OLFM3: variants seen among roughly 807,000 people sequenced by gnomAD.
The protein encoded by OLFM3 is olfactomedin 3, also known as noelin-3.
Under a neutral mutation model 48.6 loss-of-function variants are expected in OLFM3, and 20 were observed. That is an observed-to-expected ratio of 0.41 (90% CI 0.29 to 0.60). The LOEUF is 0.60. OLFM3 is among the 20% of genes least tolerant of loss of function. The pLI is 0.28. For missense variants in OLFM3, 437 were observed against 544.3 expected, an observed-to-expected ratio of 0.80 and a Z score of 1.96; for synonymous variants, 222 against 198.1, an observed-to-expected ratio of 1.12 and a Z score of -1.01.
chr1:101,818,563 C>A (rs576364730), intron 4 of OLFM3, among the ~76,000 whole-genome samples: 1 of 152,092 alleles, frequency 6.6e-6, no homozygotes, highest in African/African-American at 2.4e-5. Flanking sequence ...TGAGTCAAAT[C>A]TCCCACATCT....
At position 101,967,060 on chromosome 1, in the gene OLFM3, T is replaced by G. The variant is rs940463198; in HGVS notation, c.69+29688A>C. Among the ~76,000 whole-genome samples, 20 of 152,296 alleles carry G rather than the reference T, an allele frequency of 1.3e-4. 1 individual carries two copies. The South Asian group carries it at 3.1e-3, about 24-fold the overall frequency. On this transcript the variant is annotated intron_variant, in intron 1 of 5. Transcript: ENST00000370103. The stretch of plus-strand genomic sequence containing the variant: ...CTCATTAACCTCCACCAGTTGCTAT[T>G]TATATTAAACTTCCTCCAGGCTGTA...
chr1:101,861,269 C>A (rs773245370), intron 1 of OLFM3, among the ~76,000 whole-genome samples: 8 of 151,068 alleles, frequency 5.3e-5, no homozygotes, highest in African/African-American at 7.4e-5. Context: ...ACTATGTTAG[C>A]CAGGCTGGTA....
chr1:101,834,111 A>C (rs1313277032), intron 2 of OLFM3, among the ~76,000 whole-genome samples: 1 of 152,230 alleles, frequency 6.6e-6, no homozygotes, highest in Non-Finnish European at 1.5e-5. Flanking sequence ...AATAATATAA[A>C]TACCTGTTAA....
chr1:101,905,076 G>T (rs1343199288), intron 1 of OLFM3, among the ~76,000 whole-genome samples: 1 of 152,108 alleles, frequency 6.6e-6, no homozygotes, highest in Non-Finnish European at 1.5e-5. Flanking sequence ...CAAAGGATTT[G>T]ATAGATGTGT....
At chr1:101,960,774 T>C (rs1194698802) in intron 1 of OLFM3, among the ~76,000 whole-genome samples, 1 of 152,134 alleles carries the variant, frequency 6.6e-6, no homozygotes, top group Admixed American at 6.6e-5. Flanking sequence ...GGATTAGAGT[T>C]AACTAGAACT....
chr1:101,966,145 T>C (rs1660600599), intron 1 of OLFM3, among the ~76,000 whole-genome samples: 2 of 152,108 alleles, frequency 1.3e-5, no homozygotes, highest in South Asian at 4.1e-4. Flanking sequence ...TTCTCATATG[T>C]TTTTTATTTT....
intron 1 of OLFM3, among the ~76,000 whole-genome samples, chr1:101,896,071 AC>A (rs1658191003): frequency 6.6e-6 from 1 of 151,780 alleles, no homozygotes; most frequent in South Asian, 2.1e-4. Context: ...AAGATATGCA[AC>A]AATAATTTAT....
chr1:101,901,002 T>A (rs566775460), intron 1 of OLFM3, among the ~76,000 whole-genome samples: 1 of 152,218 alleles, frequency 6.6e-6, no homozygotes, highest in East Asian at 1.9e-4. Context: ...TTTCTATTTA[T>A]CTTTAATCAT....
intron 1 of OLFM3, among the ~76,000 whole-genome samples, chr1:101,929,037 C>A (rs1266405332): frequency 6.6e-6 from 1 of 152,082 alleles, no homozygotes; most frequent in Non-Finnish European, 1.5e-5. Flanking sequence ...AATTAGAGTA[C>A]AACCCTGAAA....
At chr1:101,935,143 T>A (rs1659570075) in intron 1 of OLFM3, among the ~76,000 whole-genome samples, 1 of 151,334 alleles carries the variant, frequency 6.6e-6, no homozygotes, top group Non-Finnish European at 1.5e-5. Flanking sequence ...AGGAGGTTGA[T>A]CTTTTGTATA....
At chr1:101,971,043 T>C (rs12045775) in intron 1 of OLFM3, among the ~76,000 whole-genome samples, 37,761 of 152,184 alleles carry the variant, frequency 0.25, 5,261 homozygotes, top group Middle Eastern at 0.36. Context: ...TCTGAGATAA[T>C]GAAACTGTTT....
chr1:101,937,055 C>A (rs1205862922), intron 1 of OLFM3, among the ~76,000 whole-genome samples: 1 of 152,094 alleles, frequency 6.6e-6, no homozygotes, highest in Non-Finnish European at 1.5e-5. Flanking sequence ...TAGGCCCTGA[C>A]AAAGATTTCA....
At chr1:101,830,448 C>G (rs1195575731) in intron 3 of OLFM3, among the ~76,000 whole-genome samples, 6 of 152,142 alleles carry the variant, frequency 3.9e-5, no homozygotes, top group Admixed American at 2.6e-4. Context: ...GTTTCAGAAA[C>G]TCCACCAAAC....
chr1:101,848,508 A>ATTT (rs34309802), intron 1 of OLFM3, among the ~76,000 whole-genome samples: 187 of 148,848 alleles, frequency 1.3e-3, no homozygotes, highest in Middle Eastern at 3.5e-3. Context: ...AATCCAGGCC[A>ATTT]TTTTTTTTTT....
At chr1:101,965,166 T>C (rs1413423532) in intron 1 of OLFM3, among the ~76,000 whole-genome samples, 1 of 152,202 alleles carries the variant, frequency 6.6e-6, no homozygotes, top group African/African-American at 2.4e-5. Flanking sequence ...TGGAATTTCC[T>C]CAGTAACAGT....
intron 2 of OLFM3, among the ~76,000 whole-genome samples, chr1:101,835,298 T>TA (rs917254422): frequency 1.3e-5 from 2 of 152,144 alleles, no homozygotes; most frequent in African/African-American, 4.8e-5. Context: ...TTTATATAAA[T>TA]AAAAAAATCA....
intron 1 of OLFM3, among the ~76,000 whole-genome samples, chr1:101,914,298 A>T (rs1019701712): frequency 1.3e-5 from 2 of 152,062 alleles, no homozygotes; most frequent in African/African-American, 4.8e-5. Context: ...GCCCACACCC[A>T]ATTTCTTAGG....
chr1:101,958,748 G>T (rs192855102), intron 1 of OLFM3, among the ~76,000 whole-genome samples: 7 of 151,436 alleles, frequency 4.6e-5, no homozygotes, highest in African/African-American at 1.7e-4. Flanking sequence ...AGTGGGTATA[G>T]TCTCTTAAAT....
At chr1:101,882,255 A>G (rs1256461223) in intron 1 of OLFM3, among the ~76,000 whole-genome samples, 2 of 149,502 alleles carry the variant, frequency 1.3e-5, no homozygotes, top group African/African-American at 4.9e-5. Flanking sequence ...TATATCCAAA[A>G]ATTTATGTAT....
Sources: allele counts gnomAD v4.1 joint callset (sites outside exome capture counted in the v4.1 genomes callset), GRCh38; gene constraint gnomAD v4.1.1; transcripts MANE v1.5; gene names NCBI Gene and HGNC (gene_info 2026-07-23, HGNC 2026-07-21).